The following SPIDR variants were observed in gnomAD, a reference collection of about 807,000 sequenced individuals.
SPIDR encodes the protein DNA repair-scaffolding protein.
Under a neutral mutation model 104.6 loss-of-function variants are expected in SPIDR, and 93 were observed. The ratio of observed to expected loss-of-function variants is 0.89; its 90% CI spans 0.75 to 1.06. The LOEUF (loss-of-function observed/expected upper bound fraction) is 1.06. Among genes scored for constraint, SPIDR ranks in the 50% least tolerant of loss-of-function variants. SPIDR has a pLI of 0.00. For missense variants in SPIDR, 1,154 were observed against 1,111.2 expected (o/e 1.04, Z -0.55); for synonymous variants, 431 against 416.9 (o/e 1.03, Z -0.41).
intron 10 of SPIDR, among the ~76,000 whole-genome samples, chr8:47,670,654 CTTAAG>C (rs1186323893): frequency 6.6e-6 from 1 of 152,090 alleles, no homozygotes; most frequent in Non-Finnish European, 1.5e-5. Context: ...ATACACTATA[CTTAAG>C]TTAATATCTT....
chr8:47,588,055 A>ACACACACACACG (rs1417478433), intron 8 of SPIDR, among the ~76,000 whole-genome samples: 1 of 78,606 alleles, frequency 1.3e-5, no homozygotes, highest in African/African-American at 6.9e-5. Context: ...ATATATATAT[A>ACACACACACACG]TATATATATA....
chr8:47,572,232 T>C (rs1331438740), intron 8 of SPIDR, among the ~76,000 whole-genome samples: 1 of 152,224 alleles, frequency 6.6e-6, no homozygotes, highest in Non-Finnish European at 1.5e-5. Flanking sequence ...AGATAATCCT[T>C]ACCATTGTAT....
chr8:47,713,387 C>G (rs2082139025), intron 15 of SPIDR, 102 bp from the exon 16 acceptor site: 1 of 1,523,742 alleles, frequency 6.6e-7, no homozygotes, highest in Non-Finnish European at 9.0e-7. Context: ...ATAACTGCAC[C>G]TTCACCTGCA....
At chr8:47,369,349 A>G (rs926044468) in intron 5 of SPIDR, among the ~76,000 whole-genome samples, 8 of 152,254 alleles carry the variant, frequency 5.3e-5, no homozygotes, top group African/African-American at 1.9e-4. Context: ...TGAATTTATA[A>G]TTAATGACAG....
intron 10 of SPIDR, among the ~76,000 whole-genome samples, chr8:47,611,697 C>CA (rs977529484): frequency 1.8e-4 from 25 of 138,602 alleles, no homozygotes; most frequent in South Asian, 9.2e-4. Flanking sequence ...GACTCCATCT[C>CA]AAAAAAAAAA....
chr8:47,401,645 A>C (rs1416335559), intron 6 of SPIDR, among the ~76,000 whole-genome samples: 1 of 152,206 alleles, frequency 6.6e-6, no homozygotes, highest in Non-Finnish European at 1.5e-5. Context: ...AAGATCTACC[A>C]AGCAAATGGA....
intron 5 of SPIDR, among the ~76,000 whole-genome samples, chr8:47,350,710 CA>C (rs1184175489): frequency 5.9e-5 from 9 of 152,328 alleles, no homozygotes; most frequent in African/African-American, 2.2e-4. Flanking sequence ...CCACAGCCCT[CA>C]TCATACTATG....
intron 8 of SPIDR, among the ~76,000 whole-genome samples, chr8:47,445,036 CT>C (rs1184274513): frequency 1.3e-5 from 2 of 152,112 alleles, no homozygotes; most frequent in Admixed American, 1.3e-4. Flanking sequence ...GCTTTGACTC[CT>C]TGATATTGTT....
At chr8:47,328,417 AT>A (rs782106826) in intron 5 of SPIDR, among the ~76,000 whole-genome samples, 3,801 of 134,826 alleles carry the variant, frequency 0.028, 224 homozygotes, top group Admixed American at 0.16. Context: ...CTGGCTAATT[AT>A]TTTTTTTTTT....
At chr8:47,704,289 A>G (rs765108610) in intron 14 of SPIDR, among the ~76,000 whole-genome samples, 2 of 152,156 alleles carry the variant, frequency 1.3e-5, no homozygotes, top group Non-Finnish European at 2.9e-5. Flanking sequence ...GATTTTTCAG[A>G]TTTTCAAACC....
chr8:47,609,122 G>A (rs1435232804), intron 10 of SPIDR, among the ~76,000 whole-genome samples: 1 of 152,106 alleles, frequency 6.6e-6, no homozygotes, highest in Admixed American at 6.5e-5. Context: ...ATTATTTTTT[G>A]TTGTTGAATT....
chr8:47,390,772 G>T (rs1285376240), intron 5 of SPIDR, among the ~76,000 whole-genome samples: 1 of 151,962 alleles, frequency 6.6e-6, no homozygotes, highest in Non-Finnish European at 1.5e-5. Flanking sequence ...GGATGATTAA[G>T]CTGGGAATGG....
intron 3 of SPIDR, among the ~76,000 whole-genome samples, 159 bp from the exon 4 acceptor site, chr8:47,290,874 C>T (rs985040278): frequency 2.4e-4 from 37 of 152,114 alleles, no homozygotes; most frequent in African/African-American, 6.8e-4. Flanking sequence ...TGAGATTGTA[C>T]GTAGAACTTT....
intron 5 of SPIDR, among the ~76,000 whole-genome samples, chr8:47,303,971 C>T (rs1377691976): frequency 6.6e-6 from 1 of 152,162 alleles, no homozygotes; most frequent in East Asian, 1.9e-4. Flanking sequence ...GCCACTGCAC[C>T]TGGCCTGCGG....
intron 7 of SPIDR, among the ~76,000 whole-genome samples, chr8:47,427,743 G>A (rs2066657387): frequency 6.6e-6 from 1 of 152,078 alleles, no homozygotes; most frequent in South Asian, 2.1e-4. Flanking sequence ...CCACAGAGTG[G>A]GGTTTCCTCG....
intron 5 of SPIDR, among the ~76,000 whole-genome samples, chr8:47,312,796 C>T (rs1392460975): frequency 6.6e-6 from 1 of 152,170 alleles, no homozygotes; most frequent in African/African-American, 2.4e-5. Context: ...AGTCCTTCCC[C>T]ATGCCTATGT....
At chr8:47,302,889 G>C (rs1238345941) in intron 5 of SPIDR, among the ~76,000 whole-genome samples, 1 of 152,174 alleles carries the variant, frequency 6.6e-6, no homozygotes, top group Non-Finnish European at 1.5e-5. Flanking sequence ...GCTACTCGAG[G>C]GTCAGGGACC....
Position 47,595,821 on chromosome 8 carries a change from A to T in SPIDR, c.1108A>T (p.Ile370Phe). The T allele has an allele frequency of 1.2e-6, 2 of 1,614,058 alleles. No individual in the cohort carries two copies. The highest frequency in any genetic ancestry group is 1.7e-6 in the Non-Finnish European group (2 of 1,180,014). ...VRIFPPWQKL[I>F]IPSGSCPVIL... is the part of the protein sequence containing the mutation. Reference sequence around the variant, plus strand: ...CTTTCTCTTTTCCAGGCAAAAACTGATTATTCCAAGTGGAAGTTGCCCTGT... The same window carrying T: ...CTTTCTCTTTTCCAGGCAAAAACTGTTTATTCCAAGTGGAAGTTGCCCTGT... The change falls in exon 9 of 20, where the codon ATT (isoleucine) becomes TTT (phenylalanine). Residue 370 changes from isoleucine (I) to phenylalanine (F), a missense_variant. Ile to Phe is a conservative substitution (Grantham distance 21). Coordinates refer to ENST00000297423, the MANE Select transcript of SPIDR (RefSeq NM_001080394.4).
At chr8:47,308,495 T>C (rs1288593572) in intron 5 of SPIDR, among the ~76,000 whole-genome samples, 1 of 152,128 alleles carries the variant, frequency 6.6e-6, no homozygotes, top group Non-Finnish European at 1.5e-5. Flanking sequence ...CCTGAGTTTT[T>C]CTCCAGGAAT....
Sources: allele counts gnomAD v4.1 joint callset (sites outside exome capture counted in the v4.1 genomes callset), GRCh38; gene constraint gnomAD v4.1.1; transcripts MANE v1.5; gene names NCBI Gene and HGNC (gene_info 2026-07-23, HGNC 2026-07-21).